ADAM12: variants seen among roughly 807,000 people sequenced by gnomAD.
The protein encoded by ADAM12 is ADAM metallopeptidase domain 12, also known as disintegrin and metalloproteinase domain-containing protein 12.
In ADAM12, 70 loss-of-function variants were observed where a neutral mutation model predicts 106.4. The ratio of observed to expected loss-of-function variants is 0.66; its 90% CI spans 0.54 to 0.80. The LOEUF (loss-of-function observed/expected upper bound fraction) is 0.80. ADAM12 is among the 30% of genes least tolerant of loss of function. The pLI, the probability that ADAM12 is intolerant of heterozygous loss-of-function variation, is 0.00. For missense variants in ADAM12, 1,010 were observed against 1,171.9 expected, an observed-to-expected ratio of 0.86 and a Z score of 2.02; for synonymous variants, 420 against 433.5, an observed-to-expected ratio of 0.97 and a Z score of 0.39.
At chr10:126,159,233 C>A (rs1956889417) in intron 3 of ADAM12, among the ~76,000 whole-genome samples, 1 of 140,630 alleles carries the variant, frequency 7.1e-6, no homozygotes, top group Admixed American at 7.7e-5. Context: ...TGGCGTGAAC[C>A]TGGGAGGCAG....
intron 3 of ADAM12, among the ~76,000 whole-genome samples, chr10:126,248,221 G>A (rs1958667468): frequency 6.6e-6 from 1 of 152,182 alleles, no homozygotes; most frequent in African/African-American, 2.4e-5. Context: ...TTCTTTCCAG[G>A]GTGATGCCGA....
chr10:126,325,911 A>G (rs568531453), intron 2 of ADAM12, among the ~76,000 whole-genome samples: 1 of 152,346 alleles, frequency 6.6e-6, no homozygotes, highest in South Asian at 2.1e-4. Context: ...TTATCCCTGC[A>G]TTATAGACAA....
At chr10:126,385,525 G>C (rs12355374) in intron 1 of ADAM12, among the ~76,000 whole-genome samples, 1 of 152,136 alleles carries the variant, frequency 6.6e-6, no homozygotes, top group African/African-American at 2.4e-5. Context: ...AGAAAATAAA[G>C]CAAACAAAAA....
In ADAM12 at chr10:126,276,602, T is replaced by C. The variant is rs565179838; in HGVS notation, c.260+2313A>G. On this transcript the variant is annotated intron_variant, in intron 3 of 22. Coordinates refer to ENST00000448723, the MANE Select transcript of ADAM12 (RefSeq NM_001288973.2). ...TAGTAATATTGGCATCCTCTTATTA[T>C]GAAAATGTTACTTTTCATATAATGG... Among the ~76,000 whole-genome samples, 9 of 152,344 alleles carry C rather than the reference T, an allele frequency of 5.9e-5. No individual in the cohort carries two copies. In the South Asian group the frequency reaches 1.5e-3, roughly 25 times the overall value.
chr10:126,217,259 G>C (rs990722741), intron 3 of ADAM12, among the ~76,000 whole-genome samples: 2 of 152,006 alleles, frequency 1.3e-5, no homozygotes, highest in East Asian at 1.9e-4. Flanking sequence ...AGAGAGCAAA[G>C]GTTACTGAGA....
At chr10:126,137,705 A>G (rs1443970354) in intron 4 of ADAM12, among the ~76,000 whole-genome samples, 1 of 152,214 alleles carries the variant, frequency 6.6e-6, no homozygotes, top group Non-Finnish European at 1.5e-5. Context: ...ATACTGAGGC[A>G]TGCATTAGAA....
intron 1 of ADAM12, among the ~76,000 whole-genome samples, chr10:126,384,957 C>A (rs1185648409): frequency 6.6e-6 from 1 of 152,248 alleles, no homozygotes; most frequent in East Asian, 1.9e-4. Flanking sequence ...GGTTGTCACA[C>A]CTATACTTCT....
chr10:126,020,662 C>T (rs1953747292), intron 21 of ADAM12, among the ~76,000 whole-genome samples: 2 of 152,074 alleles, frequency 1.3e-5, no homozygotes, highest in African/African-American at 4.8e-5. Flanking sequence ...TATCAGCATT[C>T]CTTCATGCCG....
rs899623267 is a variant in ADAM12 at position 126,331,805 on chromosome 10, C to T, written c.89-1296G>A. On this transcript the variant is annotated intron_variant, in intron 1 of 22. Transcript: ENST00000448723. The stretch of plus-strand genomic sequence containing the variant: ...GGCTGAGTCTTCAGGGATGAACCTG[C>T]ATTCAAGCGAGAAGGGTTCTGGCAG... 2.6e-5 allele frequency among the ~76,000 whole-genome samples: 4 copies of T among 152,134 alleles called. No homozygotes were observed. The East Asian group carries it at 7.7e-4, about 29-fold the overall frequency.
chr10:126,153,161 A>T (rs937786210), intron 4 of ADAM12, among the ~76,000 whole-genome samples: 1 of 152,168 alleles, frequency 6.6e-6, no homozygotes, highest in African/African-American at 2.4e-5. Context: ...GAAAATGTCT[A>T]TTTCATTTTT....
At chr10:126,303,515 A>C (rs1383840343) in intron 2 of ADAM12, among the ~76,000 whole-genome samples, 2 of 152,214 alleles carry the variant, frequency 1.3e-5, no homozygotes, top group Non-Finnish European at 2.9e-5. Context: ...GAAGATTCAC[A>C]CAGAGCATTC....
chr10:126,077,895 T>A (rs563698205), intron 11 of ADAM12, among the ~76,000 whole-genome samples: 1 of 152,242 alleles, frequency 6.6e-6, no homozygotes, highest in East Asian at 1.9e-4. Context: ...ATAGTCTCAT[T>A]TGATCAAGAC....
At chr10:126,106,327 T>C (rs112711915) in intron 8 of ADAM12, among the ~76,000 whole-genome samples, 12,743 of 151,930 alleles carry the variant, frequency 0.084, 1,770 homozygotes, top group African/African-American at 0.29. Flanking sequence ...TACCTGAGAG[T>C]GTGTGCAAAG....
intron 2 of ADAM12, among the ~76,000 whole-genome samples, chr10:126,284,801 C>A (rs905677669): frequency 6.6e-6 from 1 of 152,144 alleles, no homozygotes; most frequent in Admixed American, 6.5e-5. Flanking sequence ...GGCAGTGTGG[C>A]CATTGTATGT....
At chr10:126,170,900 G>A (rs1190065851) in intron 3 of ADAM12, among the ~76,000 whole-genome samples, 3 of 152,112 alleles carry the variant, frequency 2.0e-5, no homozygotes, top group African/African-American at 7.2e-5. Context: ...TACAAAACTG[G>A]GAGCATTTTA....
chr10:126,174,909 C>T (rs1374463512), intron 3 of ADAM12, among the ~76,000 whole-genome samples: 4 of 152,102 alleles, frequency 2.6e-5, no homozygotes, highest in East Asian at 1.9e-4. Context: ...CCTGCCACCA[C>T]GCCCGGCTAA....
Position 126,044,278 on chromosome 10 carries a change from TA to T in ADAM12, c.1996-1131del, listed in dbSNP as rs11380035. Among the ~76,000 whole-genome samples, 356 of 137,886 alleles carry T rather than the reference TA, an allele frequency of 2.6e-3. 3 individuals are homozygous for T. Among genetic ancestry groups the T allele is most frequent in the Admixed American group, 6.4e-3 (89 of 13,874 alleles). The allele number at this position is 137,886 out of a possible 152,430, so 90.5% of individuals were successfully genotyped here. A position where few individuals can be genotyped will look rare whatever the true frequency, so the allele number is the denominator to read the frequency against. On this transcript the variant is annotated intron_variant, in intron 17 of 22. Coordinates refer to ENST00000448723, the MANE Select transcript of ADAM12 (RefSeq NM_001288973.2). Reference sequence around the variant, plus strand: ...TGGTGAAACCCTGTCTTTATAAAGATAAAAAAAAAAAAAGTTAAAAAAAATT... The same window carrying T: ...TGGTGAAACCCTGTCTTTATAAAGATAAAAAAAAAAAAGTTAAAAAAAATT...
chr10:126,369,676 T>A (rs1173382532), intron 1 of ADAM12, among the ~76,000 whole-genome samples: 1 of 152,182 alleles, frequency 6.6e-6, no homozygotes, highest in Admixed American at 6.5e-5. Flanking sequence ...CCAGGACTTG[T>A]ACATAGTGAG....
At chr10:126,203,324 T>C (rs1449781512) in intron 3 of ADAM12, among the ~76,000 whole-genome samples, 1 of 152,198 alleles carries the variant, frequency 6.6e-6, no homozygotes, top group Non-Finnish European at 1.5e-5. Context: ...TTGGAAAGAA[T>C]TATAGTCTGA....
Sources: gnomAD v4.1 joint callset for allele counts (sites outside exome capture counted in the v4.1 genomes callset) on GRCh38, gnomAD v4.1.1 for gene constraint, MANE v1.5 for transcripts, NCBI Gene and HGNC (gene_info 2026-07-23, HGNC 2026-07-21) for gene names.